Variants in NEXN observed in about 807,000 individuals in gnomAD.
NEXN encodes nexilin.
NEXN carries 65 observed loss-of-function variants against 92.6 expected under a neutral mutation model. That is an observed-to-expected ratio of 0.70 (90% CI 0.57 to 0.86). NEXN has a LOEUF of 0.86. Ranked by LOEUF, NEXN falls within the 40% of genes least tolerant of loss-of-function variation. NEXN has a pLI of 0.00. For missense variants in NEXN, 778 were observed against 771.1 expected, an observed-to-expected ratio of 1.01 and a Z score of -0.11; for synonymous variants, 254 against 242.5, an observed-to-expected ratio of 1.05 and a Z score of -0.44.
rs1179315643 is a variant in NEXN, at chr1:77,925,317, C to A, written c.489+88C>A. On this transcript the variant is annotated intron_variant, in intron 6 of 12. Transcript: ENST00000334785. Reference sequence around the variant, plus strand: ...TTAGTATAAGAAAAAACTAAAAGAGCTTTTATTATTTTTATTATAAATGTA... The same window carrying A: ...TTAGTATAAGAAAAAACTAAAAGAGATTTTATTATTTTTATTATAAATGTA... 4 of 908,606 alleles carry A rather than the reference C, an allele frequency of 4.4e-6. No individual in the cohort carries two copies. The African/African-American group carries it at 6.8e-5, about 15-fold the overall frequency. 56.3% of individuals were successfully genotyped at this position (908,606 alleles called of 1,614,324 possible).
At chr1:77,914,397 G>C (rs958594298) in intron 1 of NEXN, among the ~76,000 whole-genome samples, 1 of 151,686 alleles carries the variant, frequency 6.6e-6, no homozygotes, top group African/African-American at 2.4e-5. Context: ...CAATTTTGCT[G>C]TGAACCTAAA....
intron 1 of NEXN, among the ~76,000 whole-genome samples, chr1:77,914,012 G>A (rs1379540292): frequency 3.3e-5 from 5 of 152,196 alleles, no homozygotes; most frequent in Non-Finnish European, 5.9e-5. Flanking sequence ...GGTTCCAACT[G>A]TATGACATTC....
At chr1:77,927,192 T>G (rs986952188) in intron 8 of NEXN, among the ~76,000 whole-genome samples, 5 of 151,916 alleles carry the variant, frequency 3.3e-5, no homozygotes, top group Non-Finnish European at 7.4e-5. Context: ...CGAGAATCAC[T>G]TGAACTTAGG....
intron 11 of NEXN, among the ~76,000 whole-genome samples, chr1:77,940,433 CAAGAA>C (rs1247217959): frequency 6.6e-6 from 1 of 152,074 alleles, no homozygotes; most frequent in African/African-American, 2.4e-5. Flanking sequence ...TTTAGGAGCT[CAAGAA>C]AAGTTGACAA....
In NEXN at chr1:77,925,219, C is replaced by A; in HGVS notation, c.479C>A (p.Ser160Ter). Residue 160 changes from serine (S) to a stop codon, truncating the protein, a stop_gained, in exon 6 of 13, where the codon TCA becomes TAA. Coordinates refer to ENST00000334785, the MANE Select transcript of NEXN (RefSeq NM_144573.4). LOFTEE classifies it high-confidence loss of function. Reference protein sequence around the residue: ...IEDINNTGTESASEEGDDSLL... With the variant: ...IEDINNTGTE ...GACATAAACAATACGGGAACTGAATCAGCATCAGAGGTAAACAGACATTTC... is the reference window on the plus strand; with the variant it reads ...GACATAAACAATACGGGAACTGAATAAGCATCAGAGGTAAACAGACATTTC... 1 of 1,596,754 alleles carries A rather than the reference C, an allele frequency of 6.3e-7. No homozygotes were observed. Among genetic ancestry groups the A allele is most frequent in the East Asian group, 2.2e-5 (1 of 44,592 alleles).
intron 9 of NEXN, among the ~76,000 whole-genome samples, chr1:77,931,231 C>CAAAAAAAAAAAAA (rs367898061): frequency 5.8e-5 from 7 of 120,568 alleles, no homozygotes; most frequent in African/African-American, 7.2e-5. Context: ...ACTAAAAATA[C>CAAAAAAAAAAAAA]AAAAAAAAAA....
Position 77,942,830 on chromosome 1 carries a change from T to A in NEXN, c.*1T>A, listed in dbSNP as rs760194543. On this transcript the variant is annotated 3_prime_UTR_variant, in exon 13 of 13. Coordinates refer to ENST00000334785, the MANE Select transcript of NEXN (RefSeq NM_144573.4). ...TCTTACCATTGAAAGTAAGAATTAA[T>A]CACTCTTTTTATCTTTTATTCTATT... The A allele has an allele frequency of 3.8e-5, 61 of 1,601,224 alleles. No individual in the cohort carries two copies. Among genetic ancestry groups the A allele is most frequent in the Non-Finnish European group, 5.0e-5 (59 of 1,170,350 alleles).
intron 10 of NEXN, 126 bp from the exon 11 acceptor site, chr1:77,935,688 TGTGCCTGTA>T (rs1344426741): frequency 2.9e-6 from 2 of 696,040 alleles, no homozygotes; most frequent in African/African-American, 3.6e-5. Flanking sequence ...CATGGTGGCA[TGTGCCTGTA>T]GTCCCAGCTC....
At chr1:77,927,864 T>A (rs990268156) in intron 8 of NEXN, among the ~76,000 whole-genome samples, 31 of 152,152 alleles carry the variant, frequency 2.0e-4, no homozygotes, top group African/African-American at 7.5e-4. Flanking sequence ...CTTAAATGGT[T>A]AAACAAGTTA....
chr1:77,905,308 G>C (rs1162622774), intron 1 of NEXN, among the ~76,000 whole-genome samples: 2 of 152,060 alleles, frequency 1.3e-5, no homozygotes, highest in African/African-American at 4.8e-5. Context: ...CAATATCCCT[G>C]CATAATGATA....
intron 1 of NEXN, among the ~76,000 whole-genome samples, chr1:77,903,621 AG>A (rs1647884720): frequency 6.6e-6 from 1 of 152,230 alleles, no homozygotes; most frequent in South Asian, 2.1e-4. Context: ...AAATTGAAGG[AG>A]CAGCTGGGGC....
At position 77,932,894 on chromosome 1, in the gene NEXN, G is replaced by A. The variant is rs187632014; in HGVS notation, c.1054-388G>A. 1.8e-4 allele frequency among the ~76,000 whole-genome samples: 27 copies of A among 152,276 alleles called. No individual in the cohort carries two copies. In the East Asian group the frequency reaches 4.1e-3, roughly 23 times the overall value. On this transcript the variant is annotated intron_variant, in intron 9 of 12. Coordinates refer to ENST00000334785, the MANE Select transcript of NEXN (RefSeq NM_144573.4). ...CTATTTAAGAAATCTGGCCGGGTGCGTGGCTCACGCCTGTAATCCCAGCAC... is the reference window on the plus strand; with the variant it reads ...CTATTTAAGAAATCTGGCCGGGTGCATGGCTCACGCCTGTAATCCCAGCAC...
intron 1 of NEXN, among the ~76,000 whole-genome samples, chr1:77,909,398 C>T (rs1428923886): frequency 3.3e-5 from 5 of 151,778 alleles, no homozygotes; most frequent in African/African-American, 1.2e-4. Context: ...CCAGCCTGGG[C>T]AACAAGGGCA....
intron 1 of NEXN, among the ~76,000 whole-genome samples, chr1:77,896,723 C>A (rs1454416236): frequency 6.6e-6 from 1 of 151,474 alleles, no homozygotes; most frequent in East Asian, 1.9e-4. Context: ...TGCACCACTG[C>A]ACTCCAGCCT....
intron 1 of NEXN, among the ~76,000 whole-genome samples, chr1:77,891,382 C>T (rs1321814845): frequency 6.6e-6 from 1 of 152,110 alleles, no homozygotes; most frequent in Admixed American, 6.6e-5. Flanking sequence ...CTCAATAAAA[C>T]AACATGTGAA....
intron 9 of NEXN, 37 bp from the exon 10 acceptor site, chr1:77,933,245 A>C: frequency 3.2e-6 from 4 of 1,250,760 alleles, no homozygotes; most frequent in Non-Finnish European, 3.5e-6. Context: ...AGTATGTGTA[A>C]TTCTGGCCAG....
At chr1:77,931,712 T>C (rs907533440) in intron 9 of NEXN, 2 of 152,234 alleles carry the variant, frequency 1.3e-5, no homozygotes, top group Admixed American at 1.3e-4. Flanking sequence ...GCTTAGTTCA[T>C]GCATATGTAA....
chr1:77,924,054 T>C (rs1048005958), intron 5 of NEXN, among the ~76,000 whole-genome samples: 16 of 152,212 alleles, frequency 1.1e-4, no homozygotes, highest in African/African-American at 3.6e-4. Flanking sequence ...ATCAGAATTA[T>C]TTTCCCTTCT....
chr1:77,895,527 A>G (rs1012132107), intron 1 of NEXN, among the ~76,000 whole-genome samples: 1 of 152,210 alleles, frequency 6.6e-6, no homozygotes, highest in Admixed American at 6.5e-5. Context: ...ATTAGGTTTC[A>G]ACATTTACTT....
Sources: allele counts gnomAD v4.1 joint callset (sites outside exome capture counted in the v4.1 genomes callset), GRCh38; gene constraint gnomAD v4.1.1; transcripts MANE v1.5; gene names NCBI Gene and HGNC (gene_info 2026-07-23, HGNC 2026-07-21).